Variants in OR9Q2 observed in about 807,000 individuals in gnomAD.
The protein encoded by OR9Q2 is olfactory receptor 9Q2.
In OR9Q2, 2 loss-of-function variants were observed where a neutral mutation model predicts 2.3. The observed-to-expected ratio is 0.85, with a 90% CI of 0.35 to 2.68. The LOEUF (loss-of-function observed/expected upper bound fraction) is 2.68, where lower values mean the gene tolerates loss of function less well. Among genes scored for constraint, OR9Q2 ranks in the 30% most tolerant of loss-of-function variants. OR9Q2 has a pLI of 0.10. For missense variants in OR9Q2, 404 were observed against 395.7 expected (o/e 1.02, Z -0.18); for synonymous variants, 178 against 158.6 (o/e 1.12, Z -0.92).
At position 58,190,784 on chromosome 11, in the gene OR9Q2, A is replaced by C. The variant is rs1362649307; in HGVS notation, c.294A>C (p.Ala98=). The C allele has an allele frequency of 6.2e-7, 1 of 1,614,126 alleles. No homozygotes were observed. Among genetic ancestry groups the C allele is most frequent in the Admixed American group, 1.7e-5 (1 of 60,024 alleles). ...HGTTISQARC[A]AQFFLFTFFA... The stretch of plus-strand genomic sequence containing the variant: ...CAACCATCTCCCAGGCTCGCTGTGC[A>C]GCTCAGTTCTTCCTCTTCACCTTCT... The change falls in exon 2 of 2, where the codon GCA becomes GCC. Residue 98 remains alanine, a synonymous_variant. Transcript: ENST00000641291.
chr11:58,190,514 A>G lies in OR9Q2; in HGVS notation c.24A>G (p.Val8=), dbSNP rs766258103. Residue 8 remains valine, a synonymous_variant, in exon 2 of 2, where the codon GTA becomes GTG. Coordinates refer to ENST00000641291, the MANE Select transcript of OR9Q2 (RefSeq NM_001005283.3). ...GGATGGCTGAAAGGAATTACACCGT[A>G]GTGACGGAGTTCTTCCTTACTGCAT... MAERNYT[V]VTEFFLTAFT... is the part of the protein sequence containing the mutation. 5 of 1,613,660 alleles carry G rather than the reference A, an allele frequency of 3.1e-6. No individual in the cohort carries two copies. The East Asian group carries it at 8.9e-5, about 29-fold the overall frequency.
In OR9Q2 at chr11:58,191,461, C is replaced by T. The variant is rs770829058; in HGVS notation, c.*26C>T. The T allele has an allele frequency of 7.0e-7, 1 of 1,432,972 alleles. No individual in the cohort carries two copies. Among genetic ancestry groups the T allele is most frequent in the Admixed American group, 2.2e-5 (1 of 45,698 alleles). 88.8% of individuals were successfully genotyped at this position (1,432,972 alleles called of 1,614,324 possible). A position where few individuals can be genotyped will look rare whatever the true frequency, so the allele number is the denominator to read the frequency against. On this transcript the variant is annotated 3_prime_UTR_variant, in exon 2 of 2. Transcript: ENST00000641291. ...ATGGACCCTTGTGAAATATATCATT[C>T]CTTAGTTTCCCCATCTTTTCTGTCT...
In OR9Q2 at chr11:58,190,546, A is replaced by G; in HGVS notation, c.56A>G (p.Glu19Gly). The change falls in exon 2 of 2, where the codon GAA becomes GGA. Residue 19 changes from glutamate (E) to glycine (G), a missense_variant. Coordinates refer to ENST00000641291, the MANE Select transcript of OR9Q2 (RefSeq NM_001005283.3). ...GAGTTCTTCCTTACTGCATTTACTG[A>G]ACATCTCCAGTGGAGGGTTCCTCTC... Reference protein sequence around the residue: ...VTEFFLTAFTEHLQWRVPLFL... With the variant: ...VTEFFLTAFTGHLQWRVPLFL... 1.2e-6 allele frequency: 2 copies of G among 1,614,110 alleles called. No homozygotes were observed. Among genetic ancestry groups the G allele is most frequent in the Non-Finnish European group, 1.7e-6 (2 of 1,180,012 alleles).
rs1364324263 is a variant in OR9Q2 at position 58,190,524 on chromosome 11, T to C, written c.34T>C (p.Phe12Leu). 1.2e-6 allele frequency: 2 copies of C among 1,613,788 alleles called. No individual in the cohort carries two copies. The highest frequency in any genetic ancestry group is 2.7e-5 in the African/African-American group (2 of 74,838). Residue 12 changes from phenylalanine (F) to leucine (L), a missense_variant, in exon 2 of 2, where the codon TTC becomes CTC. By Grantham distance (22) the Phe-to-Leu change is conservative. Coordinates refer to ENST00000641291, the MANE Select transcript of OR9Q2 (RefSeq NM_001005283.3). ...AERNYTVVTEFFLTAFTEHLQ... is the reference protein window; with the variant it reads ...AERNYTVVTELFLTAFTEHLQ... ...AAGGAATTACACCGTAGTGACGGAG[T>C]TCTTCCTTACTGCATTTACTGAACA... is the stretch of plus-strand genomic sequence containing the variant.
chr11:58,191,288 G>A lies in OR9Q2; in HGVS notation c.798G>A (p.Gln266=). Reference sequence around the variant, plus strand: ...TGTACCTGCGAGACAACACAGGCCAGTCCTCCGAGGGAGACCGAGTGGTGT... The same window carrying A: ...TGTACCTGCGAGACAACACAGGCCAATCCTCCGAGGGAGACCGAGTGGTGT... The part of the protein sequence containing the change: ...IFMYLRDNTG[Q]SSEGDRVVSV... Residue 266 remains glutamine, a synonymous_variant, in exon 2 of 2, where the codon CAG becomes CAA. Transcript: ENST00000641291. 6.2e-7 allele frequency: 1 copy of A among 1,614,122 alleles called. No individual in the cohort carries two copies. Among genetic ancestry groups the A allele is most frequent in the South Asian group, 1.1e-5 (1 of 91,068 alleles).
Position 58,192,030 on chromosome 11 carries a change from A to C in OR9Q2, c.*595A>C, listed in dbSNP as rs889736214. ...AAATACAACTGCTGTTTTGATCCAA[A>C]GGTATTTTCCAAATTTTGTCATTTA... On this transcript the variant is annotated 3_prime_UTR_variant, in exon 2 of 2. Coordinates refer to ENST00000641291, the MANE Select transcript of OR9Q2 (RefSeq NM_001005283.3). 4 of 151,988 alleles carry C rather than the reference A, an allele frequency of 2.6e-5. No individual in the cohort carries two copies. The highest frequency in any genetic ancestry group is 9.7e-5 in the African/African-American group (4 of 41,382). The allele number at this position is 151,988 out of a possible 1,614,324, so 9.4% of individuals were successfully genotyped here. A position where few individuals can be genotyped will look rare whatever the true frequency, so the allele number is the denominator to read the frequency against.
chr11:58,190,688 T>A lies in OR9Q2; in HGVS notation c.198T>A (p.Leu66=). The A allele has an allele frequency of 6.2e-7, 1 of 1,614,214 alleles. No homozygotes were observed. Residue 66 remains leucine, a synonymous_variant, in exon 2 of 2, where the codon CTT becomes CTA. Coordinates refer to ENST00000641291, the MANE Select transcript of OR9Q2 (RefSeq NM_001005283.3). ...CGATGTACTTCTTCCTCAGCCACCT[T>A]TCCTTGGTGGACATCTGCTACTCGT... is the stretch of plus-strand genomic sequence containing the variant. ...HTPMYFFLSH[L]SLVDICYSSA...
At position 58,190,530 on chromosome 11, in the gene OR9Q2, C is replaced by T. The variant is rs139479091; in HGVS notation, c.40C>T (p.Leu14Phe). The T allele has an allele frequency of 1.1e-4, 170 of 1,614,010 alleles. No homozygotes were observed. The highest frequency in any genetic ancestry group is 1.4e-4 in the Non-Finnish European group (167 of 1,179,988). Residue 14 changes from leucine (L) to phenylalanine (F), a missense_variant, in exon 2 of 2, where the codon CTT becomes TTT. Transcript: ENST00000641291. ...TTACACCGTAGTGACGGAGTTCTTC[C>T]TTACTGCATTTACTGAACATCTCCA... ...RNYTVVTEFF[L>F]TAFTEHLQWR...
In OR9Q2 at chr11:58,191,163, A is replaced by C. The variant is rs748639607; in HGVS notation, c.673A>C (p.Ile225Leu). The C allele has an allele frequency of 2.7e-5, 43 of 1,613,898 alleles. No individual in the cohort carries two copies. Among genetic ancestry groups the C allele is most frequent in the Non-Finnish European group, 8.5e-6 (10 of 1,180,004 alleles). ...ATCCTACCTGTTTATCATTGTGGCC[A>C]TCCTGCAGATCCACTCTGCTGGAGG... is the stretch of plus-strand genomic sequence containing the variant. ...LVSYLFIIVAILQIHSAGGRA... is the reference protein window; with the variant it reads ...LVSYLFIIVALLQIHSAGGRA... Residue 225 changes from isoleucine (I) to leucine (L), a missense_variant, in exon 2 of 2, where the codon ATC becomes CTC. Coordinates refer to ENST00000641291, the MANE Select transcript of OR9Q2 (RefSeq NM_001005283.3).
chr11:58,190,338 T>C lies in OR9Q2; in HGVS notation c.-153T>C, dbSNP rs143846193. ...TTACAGTGAGCTCAATATCTGTCTA[T>C]ATCTATCTTCGACTGAAAAGTGTGT... On this transcript the variant is annotated 5_prime_UTR_variant, in exon 2 of 2. Transcript: ENST00000641291. 2 of 608,358 alleles carry C rather than the reference T, an allele frequency of 3.3e-6. No homozygotes were observed. Among genetic ancestry groups the C allele is most frequent in the South Asian group, 2.0e-5 (1 of 49,386 alleles). The allele number at this position is 608,358 out of a possible 1,614,324, so 37.7% of individuals were successfully genotyped here.
intron 1 of OR9Q2, among the ~76,000 whole-genome samples, chr11:58,190,078 G>A (rs1370700680): frequency 6.6e-6 from 1 of 152,128 alleles, no homozygotes; most frequent in African/African-American, 2.4e-5. Context: ...GCTTTCCAAT[G>A]TGCTTTTGCC....
rs1382193502 is a variant in OR9Q2, at chr11:58,192,946, G to T, written c.*1511G>T. ...AAAGAACTCAGAACTTGGCACCAAA[G>T]TGTCCAGTCTGCCACTTCTTAGCAG... is the stretch of plus-strand genomic sequence containing the variant. On this transcript the variant is annotated 3_prime_UTR_variant, in exon 2 of 2. Coordinates refer to ENST00000641291, the MANE Select transcript of OR9Q2 (RefSeq NM_001005283.3). The T allele has an allele frequency of 6.6e-6, 1 of 152,172 alleles. No individual in the cohort carries two copies. The highest frequency in any genetic ancestry group is 1.5e-5 in the Non-Finnish European group (1 of 68,012). 9.4% of individuals were successfully genotyped at this position (152,172 alleles called of 1,614,324 possible).
rs1200872253 is a variant in OR9Q2 at position 58,192,090 on chromosome 11, C to T, written c.*655C>T. 7.1e-6 allele frequency: 1 copy of T among 141,630 alleles called. No homozygotes were observed. The highest frequency in any genetic ancestry group is 1.6e-5 in the Non-Finnish European group (1 of 63,898). 8.8% of individuals were successfully genotyped at this position (141,630 alleles called of 1,614,324 possible). On this transcript the variant is annotated 3_prime_UTR_variant, in exon 2 of 2. Transcript: ENST00000641291. ...TCTTTCTTTTTTTATCTTCTTGTTTCTGTGATTTTTGAATAACAATGAGGA... is the reference window on the plus strand; with the variant it reads ...TCTTTCTTTTTTTATCTTCTTGTTTTTGTGATTTTTGAATAACAATGAGGA...
rs957146724 is a variant in OR9Q2 at position 58,192,444 on chromosome 11, G to T, written c.*1009G>T. 1 of 152,090 alleles carries T rather than the reference G, an allele frequency of 6.6e-6. No individual in the cohort carries two copies. The highest frequency in any genetic ancestry group is 2.4e-5 in the African/African-American group (1 of 41,400). The allele number at this position is 152,090 out of a possible 1,614,324, so 9.4% of individuals were successfully genotyped here. ...TATAATCACTCAACCGGAATTTATT[G>T]TTATTGCTCTTTTCTTTTTCCTTTT... On this transcript the variant is annotated 3_prime_UTR_variant, in exon 2 of 2. Transcript: ENST00000641291.
At position 58,190,660 on chromosome 11, in the gene OR9Q2, C is replaced by T; in HGVS notation, c.170C>T (p.Thr57Ile). The T allele has an allele frequency of 6.2e-7, 1 of 1,614,168 alleles. No individual in the cohort carries two copies. Among genetic ancestry groups the T allele is most frequent in the Non-Finnish European group, 8.5e-7 (1 of 1,180,018 alleles). The change falls in exon 2 of 2, where the codon ACC becomes ATC. Residue 57 changes from threonine (T) to isoleucine (I), a missense_variant. Thr to Ile is a moderately conservative substitution (Grantham distance 89). Coordinates refer to ENST00000641291, the MANE Select transcript of OR9Q2 (RefSeq NM_001005283.3). Reference protein sequence around the residue: ...LLIRGDRRLHTPMYFFLSHLS... With the variant: ...LLIRGDRRLHIPMYFFLSHLS... ...ATCCGTGGCGATCGTCGGCTCCACA[C>T]CCCGATGTACTTCTTCCTCAGCCAC... is the stretch of plus-strand genomic sequence containing the variant.
Position 58,190,468 on chromosome 11 carries a change from G to C in OR9Q2, c.-23G>C, listed in dbSNP as rs757734780. ...CCCTCATCTGGCTCTTGTCTTAGCCGTTGCAGGTGAACCACTGGATGGATG... is the reference window on the plus strand; with the variant it reads ...CCCTCATCTGGCTCTTGTCTTAGCCCTTGCAGGTGAACCACTGGATGGATG... On this transcript the variant is annotated 5_prime_UTR_variant, in exon 2 of 2. Transcript: ENST00000641291. 6.5e-7 allele frequency: 1 copy of C among 1,549,618 alleles called. No homozygotes were observed. Among genetic ancestry groups the C allele is most frequent in the Admixed American group, 1.7e-5 (1 of 59,480 alleles).
chr11:58,190,121 T>C (rs1854743867), intron 1 of OR9Q2, among the ~76,000 whole-genome samples, 198 bp from the exon 2 acceptor site: 1 of 152,150 alleles, frequency 6.6e-6, no homozygotes. Flanking sequence ...TCTTATCTCA[T>C]AAGCAGGGCA....
chr11:58,192,250 CTAT>C lies in OR9Q2; in HGVS notation c.*822_*824del, dbSNP rs938356724. 6.6e-6 allele frequency: 1 copy of C among 151,934 alleles called. No homozygotes were observed. Among genetic ancestry groups the C allele is most frequent in the East Asian group, 1.9e-4 (1 of 5,188 alleles). The allele number at this position is 151,934 out of a possible 1,614,324, so 9.4% of individuals were successfully genotyped here. ...ACAGGACATCCCTATGAGGTAGGTT[CTAT>C]TATTATCTCTGCTTTATAGGTAGGT... On this transcript the variant is annotated 3_prime_UTR_variant, in exon 2 of 2. Transcript: ENST00000641291.
In OR9Q2 at chr11:58,190,312, A is replaced by AT; in HGVS notation, c.-172-5dup. The stretch of plus-strand genomic sequence containing the variant: ...AAGCATTCATCACTTTTTATCTTAT[A>AT]TTACAGTGAGCTCAATATCTGTCTA... On this transcript the variant is annotated splice_region_variant and splice_polypyrimidine_tract_variant and intron_variant, in intron 1 of 1. Transcript: ENST00000641291. 1.7e-6 allele frequency: 1 copy of AT among 581,134 alleles called. No individual in the cohort carries two copies. The highest frequency in any genetic ancestry group is 2.3e-5 in the South Asian group (1 of 43,328). The allele number at this position is 581,134 out of a possible 1,614,324, so 36.0% of individuals were successfully genotyped here.
Sources: gnomAD v4.1 joint callset for allele counts (sites outside exome capture counted in the v4.1 genomes callset) on GRCh38, gnomAD v4.1.1 for gene constraint, MANE v1.5 for transcripts, NCBI Gene and HGNC (gene_info 2026-07-23, HGNC 2026-07-21) for gene names.